Variants in PID1 observed in about 807,000 individuals in gnomAD.
The protein encoded by PID1 is phosphotyrosine interaction domain containing 1.
Under a neutral mutation model 19.1 loss-of-function variants are expected in PID1, and 10 were observed. That is an observed-to-expected ratio of 0.52 (90% CI 0.32 to 0.89). The LOEUF is 0.89. Ranked by LOEUF, PID1 falls within the 40% of genes least tolerant of loss-of-function variation. The probability of loss-of-function intolerance (pLI) is 0.03; values close to 1 mark genes in which losing one functional copy is unlikely to be tolerated. For synonymous variants in PID1, 130 were observed against 116.0 expected, an observed-to-expected ratio of 1.12 and a Z score of -0.78; for missense variants, 248 against 285.3, an observed-to-expected ratio of 0.87 and a Z score of 0.94.
At chr2:229,127,256 T>C (rs1307952837) in intron 2 of PID1, among the ~76,000 whole-genome samples, 2 of 152,240 alleles carry the variant, frequency 1.3e-5, no homozygotes, top group Non-Finnish European at 2.9e-5. Flanking sequence ...CTCTGTTTTC[T>C]GTTCTGCAAA....
chr2:229,126,166 C>G (rs149337050), intron 2 of PID1, among the ~76,000 whole-genome samples: 230 of 152,102 alleles, frequency 1.5e-3, no homozygotes, highest in African/African-American at 5.0e-3. Flanking sequence ...TTTAAAAACA[C>G]AAAAACAAAA....
At chr2:229,185,190 T>C (rs998969601) in intron 1 of PID1, among the ~76,000 whole-genome samples, 2 of 151,476 alleles carry the variant, frequency 1.3e-5, no homozygotes, top group African/African-American at 4.9e-5. Context: ...TACTTTGCTA[T>C]AGCAGGCCTA....
At chr2:229,115,987 G>T (rs545310153) in intron 2 of PID1, among the ~76,000 whole-genome samples, 1 of 152,022 alleles carries the variant, frequency 6.6e-6, no homozygotes, top group African/African-American at 2.4e-5. Flanking sequence ...TTGGGAGGCC[G>T]AAGTGGGCAG....
chr2:229,044,023 G>A (rs980924254), intron 2 of PID1, among the ~76,000 whole-genome samples: 1 of 152,188 alleles, frequency 6.6e-6, no homozygotes. Context: ...CAAAGATACA[G>A]AAACCGTGAC....
chr2:229,067,970 C>T (rs954884988), intron 2 of PID1, among the ~76,000 whole-genome samples: 3 of 152,176 alleles, frequency 2.0e-5, no homozygotes, highest in Non-Finnish European at 4.4e-5. Context: ...TTGAAGTCTC[C>T]AAGAGGTCTC....
intron 1 of PID1, among the ~76,000 whole-genome samples, chr2:229,169,422 G>A (rs1441639514): frequency 7.2e-5 from 11 of 152,038 alleles, no homozygotes; most frequent in Non-Finnish European, 1.5e-4. Flanking sequence ...AGGCTCAGAA[G>A]GTATGGATTT....
At chr2:229,261,615 A>T (rs1690462543) in intron 1 of PID1, among the ~76,000 whole-genome samples, 1 of 152,250 alleles carries the variant, frequency 6.6e-6, no homozygotes, top group South Asian at 2.1e-4. Flanking sequence ...ATTAGGATGG[A>T]TCTAACAATT....
intron 1 of PID1, among the ~76,000 whole-genome samples, chr2:229,255,389 T>G (rs952868184): frequency 6.6e-6 from 1 of 152,230 alleles, no homozygotes; most frequent in African/African-American, 2.4e-5. Flanking sequence ...GCTCCCAAGA[T>G]GACCAGTAAA....
intron 1 of PID1, among the ~76,000 whole-genome samples, chr2:229,266,698 AT>A (rs1161075297): frequency 6.6e-6 from 1 of 152,216 alleles, no homozygotes; most frequent in Non-Finnish European, 1.5e-5. Flanking sequence ...CGCTGGCCAA[AT>A]CACTTCGACT....
At chr2:229,264,253 A>G (rs1446985640) in intron 1 of PID1, among the ~76,000 whole-genome samples, 1 of 152,160 alleles carries the variant, frequency 6.6e-6, no homozygotes, top group Non-Finnish European at 1.5e-5. Flanking sequence ...TGGACTCTCA[A>G]CTCAGTAGTA....
intron 2 of PID1, among the ~76,000 whole-genome samples, chr2:229,094,530 C>T (rs1048436393): frequency 1.3e-5 from 2 of 152,078 alleles, no homozygotes; most frequent in Non-Finnish European, 2.9e-5. Context: ...CATTGCCTGA[C>T]TTCGAATTAT....
chr2:229,042,983 A>AAG (rs1017083704), intron 2 of PID1, among the ~76,000 whole-genome samples: 1 of 150,502 alleles, frequency 6.6e-6, no homozygotes, highest in Non-Finnish European at 1.5e-5. Flanking sequence ...GTAGCGCAGA[A>AAG]AGAGAGAGAG....
chr2:229,055,620 CTATAA>C (rs974253391), intron 2 of PID1, among the ~76,000 whole-genome samples: 11 of 152,106 alleles, frequency 7.2e-5, no homozygotes, highest in Middle Eastern at 3.2e-3. Flanking sequence ...TTCTCTGTAT[CTATAA>C]TATGTTTTTG....
Position 229,226,016 on chromosome 2 carries a change from CA to C in PID1, c.30+44997del, listed in dbSNP as rs200351528. ...CCAATGAGAGACCATAAGAATGTCC[CA>C]TTTATGCTGGCCTTCAGTGCTTCAT... is the stretch of plus-strand genomic sequence containing the variant. On this transcript the variant is annotated intron_variant, in intron 1 of 2. Coordinates refer to ENST00000392055, the MANE Select transcript of PID1 (RefSeq NM_001100818.2). Among the ~76,000 whole-genome samples the C allele has an allele frequency of 6.8e-3, 1,034 of 152,272 alleles. 13 individuals are homozygous for C. The highest frequency in any genetic ancestry group is 0.024 in the African/African-American group (1,001 of 41,556).
chr2:229,171,742 T>C (rs570799978), intron 1 of PID1, among the ~76,000 whole-genome samples: 98 of 152,292 alleles, frequency 6.4e-4, no homozygotes, highest in East Asian at 1.2e-3. Flanking sequence ...AAAAATATCA[T>C]TGGAATTTAA....
chr2:229,252,942 C>G (rs964048663), intron 1 of PID1, among the ~76,000 whole-genome samples: 2 of 152,106 alleles, frequency 1.3e-5, no homozygotes, highest in African/African-American at 2.4e-5. Flanking sequence ...GATGAACTTT[C>G]CTGGATCCAG....
At chr2:229,042,936 T>G (rs1157747879) in intron 2 of PID1, among the ~76,000 whole-genome samples, 5 of 151,996 alleles carry the variant, frequency 3.3e-5, no homozygotes, top group Non-Finnish European at 4.4e-5. Context: ...ATTTTTTTCT[T>G]TTTTTTAATT....
intron 2 of PID1, among the ~76,000 whole-genome samples, chr2:229,063,183 C>T (rs11890426): frequency 0.018 from 2,659 of 151,908 alleles, 88 homozygotes; most frequent in African/African-American, 0.062. Context: ...GTTTGTTCTT[C>T]TTTTTCTAGT....
At chr2:229,094,181 T>C (rs1694929751) in intron 2 of PID1, among the ~76,000 whole-genome samples, 1 of 151,894 alleles carries the variant, frequency 6.6e-6, no homozygotes, top group Non-Finnish European at 1.5e-5. Flanking sequence ...AAGAACTCAA[T>C]CCGCTTTAAA....
Sources: allele counts gnomAD v4.1 joint callset (sites outside exome capture counted in the v4.1 genomes callset), GRCh38; gene constraint gnomAD v4.1.1; transcripts MANE v1.5; gene names NCBI Gene and HGNC (gene_info 2026-07-23, HGNC 2026-07-21).